The following ARHGEF10L variants were observed in gnomAD, a reference collection of about 807,000 sequenced individuals.
ARHGEF10L encodes rho guanine nucleotide exchange factor 10-like protein.
ARHGEF10L carries 69 observed loss-of-function variants against 141.2 expected under a neutral mutation model. The ratio of observed to expected loss-of-function variants is 0.49; its 90% CI spans 0.40 to 0.60. The LOEUF is 0.60. ARHGEF10L is among the 20% of genes least tolerant of loss of function. The pLI is 0.00. For synonymous variants in ARHGEF10L, 711 were observed against 718.5 expected, an observed-to-expected ratio of 0.99 and a Z score of 0.17; for missense variants, 1,482 against 1,734.3, an observed-to-expected ratio of 0.85 and a Z score of 2.58.
the ARHGEF10L span, among the ~76,000 whole-genome samples, chr1:17,519,757 C>T: frequency 2.0e-5 from 3 of 152,016 alleles, no homozygotes. Context: ...ATCACTTGAA[C>T]CTGGGAGGTG....
chr1:17,546,951 C>T (rs2076939075), intron 1 of ARHGEF10L, among the ~76,000 whole-genome samples: 1 of 152,180 alleles, frequency 6.6e-6, no homozygotes, highest in Non-Finnish European at 1.5e-5. Flanking sequence ...TGTTTTGCCT[C>T]CATTGAACTT....
At position 17,668,735 on chromosome 1, in the gene ARHGEF10L, C is replaced by T. The variant is rs115638403; in HGVS notation, c.3009+4140C>T. Reference sequence around the variant, plus strand: ...GAAATGGAAAAGTTTCTGTTCGCTGCGCGGTGCGGGCAGCTTGCCTTCAGT... The same window carrying T: ...GAAATGGAAAAGTTTCTGTTCGCTGTGCGGTGCGGGCAGCTTGCCTTCAGT... On this transcript the variant is annotated intron_variant, in intron 26 of 28. Transcript: ENST00000361221. Among the ~76,000 whole-genome samples the T allele has an allele frequency of 1.6e-3, 249 of 152,326 alleles. 1 individual carries two copies. The highest frequency in any genetic ancestry group is 5.2e-3 in the African/African-American group (216 of 41,564).
At chr1:17,567,932 C>T (rs1309480004) in intron 1 of ARHGEF10L, among the ~76,000 whole-genome samples, 1 of 152,228 alleles carries the variant, frequency 6.6e-6, no homozygotes, top group East Asian at 1.9e-4. Context: ...CCTTGACCCT[C>T]TTCCCTGGAA....
chr1:17,631,302 T>C (rs2060676349), intron 15 of ARHGEF10L, among the ~76,000 whole-genome samples: 1 of 152,160 alleles, frequency 6.6e-6, no homozygotes, highest in Non-Finnish European at 1.5e-5. Context: ...AAAAGACGTT[T>C]TCCCAGGGTG....
At position 17,687,560 on chromosome 1, in the gene ARHGEF10L, C is replaced by G. The variant is rs775295769; in HGVS notation, c.3010-13C>G. ...GCCCAGCCAGTATCGACACTCCTCCCTTTGTGCCACAGCAAAGCTTCGAGG... is the reference window on the plus strand; with the variant it reads ...GCCCAGCCAGTATCGACACTCCTCCGTTTGTGCCACAGCAAAGCTTCGAGG... On this transcript the variant is annotated splice_polypyrimidine_tract_variant and intron_variant, in intron 26 of 28. Coordinates refer to ENST00000361221, the MANE Select transcript of ARHGEF10L (RefSeq NM_018125.4). 26 of 1,612,562 alleles carry G rather than the reference C, an allele frequency of 1.6e-5. No homozygotes were observed. The highest frequency in any genetic ancestry group is 2.0e-5 in the Non-Finnish European group (24 of 1,179,862).
intron 9 of ARHGEF10L, chr1:17,618,471 C>G: frequency 6.8e-7 from 1 of 1,472,124 alleles, no homozygotes. Context: ...CCCCCACCCC[C>G]ACGCCGTCAT....
In ARHGEF10L at chr1:17,656,113, C is replaced by T. The variant is rs767358863; in HGVS notation, c.2705+11C>T. The T allele has an allele frequency of 9.0e-6, 14 of 1,549,424 alleles. No homozygotes were observed. The highest frequency in any genetic ancestry group is 2.2e-4 in the Middle Eastern group (1 of 4,594). On this transcript the variant is annotated intron_variant, in intron 24 of 28. Transcript: ENST00000361221. This position sits in a 1 kb window ranked among gnomAD's most constrained non-coding sequence, Gnocchi z 4.9. ...GCTCCAGGATGGCAGGTGAGGGGCC[C>T]GGAAGGAGGGGTGAGAGCAGCCTCT...
chr1:17,624,100 C>T (rs529936253), intron 12 of ARHGEF10L, among the ~76,000 whole-genome samples: 1 of 152,336 alleles, frequency 6.6e-6, no homozygotes, highest in South Asian at 2.1e-4. Context: ...TGGGCTGCTG[C>T]ACTGGGGATG....
intron 1 of ARHGEF10L, among the ~76,000 whole-genome samples, chr1:17,549,575 A>G (rs1233468952): frequency 2.6e-5 from 4 of 152,076 alleles, no homozygotes; most frequent in Non-Finnish European, 4.4e-5. Flanking sequence ...CCCTGCAAGG[A>G]TCTGAGGGAA....
At chr1:17,663,421 C>T (rs561168539) in intron 25 of ARHGEF10L, among the ~76,000 whole-genome samples, 1 of 152,084 alleles carries the variant, frequency 6.6e-6, no homozygotes, top group African/African-American at 2.4e-5. Flanking sequence ...GGTGTGGTGG[C>T]GGGCGCCTAT....
rs1203870854 is a variant in ARHGEF10L at position 17,627,986 on chromosome 1, T to C, written c.1584+483T>C. Among the ~76,000 whole-genome samples the C allele has an allele frequency of 6.6e-6, 1 of 150,976 alleles. No homozygotes were observed. Among genetic ancestry groups the C allele is most frequent in the Non-Finnish European group, 1.5e-5 (1 of 67,858 alleles). On this transcript the variant is annotated intron_variant, in intron 15 of 28. Coordinates refer to ENST00000361221, the MANE Select transcript of ARHGEF10L (RefSeq NM_018125.4). The surrounding 1 kb of genome is among the most constrained non-coding windows in gnomAD (Gnocchi z 4.0). The stretch of plus-strand genomic sequence containing the variant: ...ATTGTCCTTAACACAAGAAGAAAGA[T>C]GAAAAGTCCATGCCATGTTTTGGGG...
At chr1:17,539,534 C>G (rs1283664963), upstream of ARHGEF10L, among the ~76,000 whole-genome samples, 1 of 151,904 alleles carries the variant, frequency 6.6e-6, no homozygotes, top group African/African-American at 2.4e-5. The surrounding 1 kb of genome is among the most constrained non-coding windows in gnomAD (Gnocchi z 6.0). Flanking sequence ...GGCCGGTGGG[C>G]TGCCGGGACC....
the ARHGEF10L span, among the ~76,000 whole-genome samples, chr1:17,521,128 C>T: frequency 6.6e-6 from 1 of 152,218 alleles, no homozygotes; most frequent in Non-Finnish European, 1.5e-5. Context: ...GGCCATGAAC[C>T]TCTGACAGGT....
upstream of ARHGEF10L, among the ~76,000 whole-genome samples, chr1:17,536,254 A>G (rs1188851500): frequency 6.6e-6 from 1 of 152,154 alleles, no homozygotes; most frequent in Non-Finnish European, 1.5e-5. Flanking sequence ...CCAGAGCAGG[A>G]GAATCACTTG....
At chr1:17,685,200 C>CTGT (rs1398121748) in intron 26 of ARHGEF10L, among the ~76,000 whole-genome samples, 1 of 152,220 alleles carries the variant, frequency 6.6e-6, no homozygotes, top group East Asian at 1.9e-4. Flanking sequence ...CTTCCCCACA[C>CTGT]TGTTGTCAGA....
intron 11 of ARHGEF10L, among the ~76,000 whole-genome samples, chr1:17,622,669 A>G (rs1011666094): frequency 1.3e-5 from 2 of 152,030 alleles, no homozygotes; most frequent in South Asian, 4.2e-4. Flanking sequence ...GCTTGTAGTG[A>G]CCTTACCGCT....
intron 8 of ARHGEF10L, among the ~76,000 whole-genome samples, chr1:17,614,633 G>A (rs190575603): frequency 1.1e-3 from 163 of 151,918 alleles, no homozygotes; most frequent in Middle Eastern, 6.8e-3. Flanking sequence ...GAAGATGAGC[G>A]TCTATGCCAT....
rs143683567 is a variant in ARHGEF10L at position 17,646,251 on chromosome 1, C to T, written c.2273-2303C>T. ...GCCAGCATTCAGGTGCCACCTCTCT[C>T]GGGCAGTGACGGCATGAGGGCTGCT... On this transcript the variant is annotated intron_variant, in intron 21 of 28. Coordinates refer to ENST00000361221, the MANE Select transcript of ARHGEF10L (RefSeq NM_018125.4). 2.9e-3 allele frequency among the ~76,000 whole-genome samples: 443 copies of T among 152,352 alleles called. 3 individuals are homozygous for T. Among genetic ancestry groups the T allele is most frequent in the Admixed American group, 7.3e-3 (111 of 15,306 alleles).
intron 1 of ARHGEF10L, among the ~76,000 whole-genome samples, chr1:17,563,340 T>G (rs1237511302): frequency 1.3e-5 from 2 of 151,858 alleles, no homozygotes; most frequent in African/African-American, 4.8e-5. Flanking sequence ...GCTCAAGTGA[T>G]CCTCCCACTT....
Sources: gnomAD v4.1 joint callset for allele counts (sites outside exome capture counted in the v4.1 genomes callset) on GRCh38, gnomAD v4.1.1 for gene constraint, Gnocchi (gnomAD v3.1) non-coding constraint, MANE v1.5 for transcripts, NCBI Gene and HGNC (gene_info 2026-07-23, HGNC 2026-07-21) for gene names.